Variants in LARGE1 observed in about 807,000 individuals in gnomAD.
LARGE1 encodes LARGE xylosyl- and glucuronyltransferase 1.
LARGE1 carries 43 observed loss-of-function variants against 87.6 expected under a neutral mutation model. That is an observed-to-expected ratio of 0.49 (90% CI 0.38 to 0.63). LARGE1 has a LOEUF of 0.63. Ranked by LOEUF, LARGE1 falls within the 30% of genes least tolerant of loss-of-function variation. The pLI, the probability that LARGE1 is intolerant of heterozygous loss-of-function variation, is 0.00. For synonymous variants in LARGE1, 434 were observed against 394.6 expected (o/e 1.10, Z -1.18); for missense variants, 802 against 1,000.2 (o/e 0.80, Z 2.67).
chr22:33,230,275 C>A (rs1278581060), intron 11 of LARGE1, among the ~76,000 whole-genome samples: 2 of 151,970 alleles, frequency 1.3e-5, no homozygotes, highest in Non-Finnish European at 2.9e-5. Context: ...CCACCTCAGC[C>A]TCCCAAAGTG....
At chr22:33,176,065 AT>A (rs911840133) in intron 11 of LARGE1, among the ~76,000 whole-genome samples, 3 of 152,238 alleles carry the variant, frequency 2.0e-5, no homozygotes, top group African/African-American at 2.4e-5. Context: ...AGGATTCCCT[AT>A]TTAATAAATG....
At chr22:33,908,307 G>A (rs1247489163) in intron 1 of LARGE1, among the ~76,000 whole-genome samples, 1 of 152,164 alleles carries the variant, frequency 6.6e-6, no homozygotes, top group African/African-American at 2.4e-5. Flanking sequence ...AGAAAGTGCA[G>A]CTGCAGAAGT....
intron 2 of LARGE1, among the ~76,000 whole-genome samples, chr22:33,673,680 A>C (rs138698369): frequency 0.011 from 1,603 of 152,132 alleles, 26 homozygotes; most frequent in African/African-American, 0.037. Flanking sequence ...ACCCATGAAA[A>C]AACTCCCCAT....
chr22:33,666,508 G>A (rs1215821374), intron 2 of LARGE1, among the ~76,000 whole-genome samples: 1 of 152,196 alleles, frequency 6.6e-6, no homozygotes, highest in Non-Finnish European at 1.5e-5. Context: ...TCCTGCTACT[G>A]CCAATAGAGA....
chr22:33,473,477 G>A (rs2068941146), intron 6 of LARGE1, among the ~76,000 whole-genome samples: 1 of 152,148 alleles, frequency 6.6e-6, no homozygotes, highest in Non-Finnish European at 1.5e-5. Flanking sequence ...AGCCTCCTGA[G>A]CAGCTGGGAC....
chr22:33,753,020 G>T (rs1224685378), intron 2 of LARGE1, among the ~76,000 whole-genome samples: 1 of 152,096 alleles, frequency 6.6e-6, no homozygotes, highest in African/African-American at 2.4e-5. Flanking sequence ...AGGAGATTGA[G>T]ACCATCCTGG....
At chr22:33,380,717 T>C (rs1393683210) in intron 9 of LARGE1, among the ~76,000 whole-genome samples, 1 of 152,216 alleles carries the variant, frequency 6.6e-6, no homozygotes, top group Non-Finnish European at 1.5e-5. Context: ...TACAAAAGAC[T>C]AATTTATTAG....
chr22:33,754,922 G>A (rs1231574669), intron 2 of LARGE1, among the ~76,000 whole-genome samples: 1 of 152,258 alleles, frequency 6.6e-6, no homozygotes, highest in African/African-American at 2.4e-5. Context: ...TGAGGGATGG[G>A]GGAGCAGACA....
chr22:33,743,482 A>C (rs1011602604), intron 2 of LARGE1, among the ~76,000 whole-genome samples: 2 of 152,088 alleles, frequency 1.3e-5, no homozygotes, highest in Non-Finnish European at 2.9e-5. Context: ...ACCAAGGCCT[A>C]AAACCTCTAC....
intron 2 of LARGE1, among the ~76,000 whole-genome samples, chr22:33,702,587 G>A (rs1282026498): frequency 2.0e-5 from 3 of 152,202 alleles, no homozygotes; most frequent in African/African-American, 7.2e-5. Flanking sequence ...ATGGACTGCA[G>A]TTTCTAGGAG....
chr22:33,656,325 G>C (rs1245324425), intron 2 of LARGE1, among the ~76,000 whole-genome samples: 2 of 152,000 alleles, frequency 1.3e-5, no homozygotes, highest in Non-Finnish European at 2.9e-5. Context: ...AAGCGAAAGG[G>C]GTTTCCCTTA....
At chr22:33,819,264 GTACA>G (rs149977997) in intron 1 of LARGE1, among the ~76,000 whole-genome samples, 37,270 of 151,762 alleles carry the variant, frequency 0.25, 4,745 homozygotes, top group East Asian at 0.4. Flanking sequence ...TGGTGTGTGA[GTACA>G]AAGCTCTTCA....
chr22:33,206,875 CAT>C (rs1286283836), intron 11 of LARGE1, among the ~76,000 whole-genome samples: 3 of 152,208 alleles, frequency 2.0e-5, no homozygotes, highest in Non-Finnish European at 4.4e-5. Context: ...TGCTTCATGG[CAT>C]ATTGGGCAGA....
intron 5 of LARGE1, among the ~76,000 whole-genome samples, chr22:33,591,222 C>T (rs34890173): frequency 6.6e-6 from 1 of 152,094 alleles, no homozygotes; most frequent in Non-Finnish European, 1.5e-5. Context: ...AAAAAAGCTA[C>T]CAAGCTGTTT....
intron 2 of LARGE1, among the ~76,000 whole-genome samples, chr22:33,743,790 G>A (rs2083977900): frequency 6.6e-6 from 1 of 152,202 alleles, no homozygotes; most frequent in African/African-American, 2.4e-5. Flanking sequence ...TAGTGATGAA[G>A]TTCATTATTC....
intron 12 of LARGE1, among the ~76,000 whole-genome samples, chr22:33,288,989 C>T (rs570888640): frequency 1.2e-3 from 183 of 152,104 alleles, no homozygotes; most frequent in Non-Finnish European, 1.2e-3. Flanking sequence ...GACAGAGTCT[C>T]GCTCTGTTGC....
chr22:33,796,768 T>A (rs915984180), intron 1 of LARGE1, among the ~76,000 whole-genome samples: 2 of 55,096 alleles, frequency 3.6e-5, no homozygotes, highest in Non-Finnish European at 6.6e-5. Flanking sequence ...AGACTTGGGC[T>A]TTTTTTTTTT....
At chr22:33,331,660 G>A (rs543065392) in intron 10 of LARGE1, among the ~76,000 whole-genome samples, 2 of 152,106 alleles carry the variant, frequency 1.3e-5, no homozygotes, top group East Asian at 1.9e-4. Context: ...TGCCCGCCTC[G>A]GCCTCCCAAA....
intron 5 of LARGE1, among the ~76,000 whole-genome samples, chr22:33,578,258 T>C (rs1037787671): frequency 4.6e-5 from 7 of 152,178 alleles, no homozygotes; most frequent in African/African-American, 1.7e-4. Flanking sequence ...AAAAGTAGTA[T>C]AGAAGACGGT....
Sources: allele counts gnomAD v4.1 joint callset (sites outside exome capture counted in the v4.1 genomes callset), GRCh38; gene constraint gnomAD v4.1.1; transcripts MANE v1.5; gene names NCBI Gene and HGNC (gene_info 2026-07-23, HGNC 2026-07-21).